Variants in LRATD2 observed in about 807,000 individuals in gnomAD.
LRATD2 encodes the protein LRAT domain containing 2.
In LRATD2, 10 loss-of-function variants were observed where a neutral mutation model predicts 12.0. That is an observed-to-expected ratio of 0.83 (90% confidence interval 0.51 to 1.41). The LOEUF is 1.41. Ranked by LOEUF, LRATD2 falls within the 40% of genes most tolerant of loss-of-function variation. The pLI is 0.00. For synonymous variants in LRATD2, 220 were observed against 205.8 expected, an observed-to-expected ratio of 1.07 and a Z score of -0.59; for missense variants, 455 against 446.1, an observed-to-expected ratio of 1.02 and a Z score of -0.18.
Position 126,556,971 on chromosome 8 carries a change from A to T in LRATD2, c.419T>A (p.Phe140Tyr), listed in dbSNP as rs1817420207. Reference sequence around the variant, plus strand: ...CAGCCGGTGCAGGTGCACCACCTGGAAGTTACCCACATATACGGCCCAGTG... The same window carrying T: ...CAGCCGGTGCAGGTGCACCACCTGGTAGTTACCCACATATACGGCCCAGTG... ...YPHWAVYVGN[F>Y]QVVHLHRLEV... Residue 140 changes from phenylalanine to tyrosine, a missense_variant, in exon 2 of 2, where the codon TTC becomes TAC. Transcript: ENST00000304916. This position sits in a 1 kb window ranked among gnomAD's most constrained non-coding sequence, Gnocchi z 5.6. 6.2e-7 allele frequency: 1 copy of T among 1,609,502 alleles called. No homozygotes were observed.
In LRATD2 at chr8:126,557,431, G is replaced by A. The variant is rs377754283; in HGVS notation, c.-42C>T. ...GTTCACACCGCCGCAAGGGGAGAAA[G>A]CGAAACCAACTCCAGGGTCATTTGC... On this transcript the variant is annotated 5_prime_UTR_variant, in exon 2 of 2. Coordinates refer to ENST00000304916, the MANE Select transcript of LRATD2 (RefSeq NM_174911.5). The surrounding 1 kb of genome is among the most constrained non-coding windows in gnomAD (Gnocchi z 5.3). 15 of 1,599,138 alleles carry A rather than the reference G, an allele frequency of 9.4e-6. No homozygotes were observed. The highest frequency in any genetic ancestry group is 1.2e-5 in the Non-Finnish European group (14 of 1,174,246).
chr8:126,556,398 G>A lies in LRATD2; in HGVS notation c.*59C>T. On this transcript the variant is annotated 3_prime_UTR_variant, in exon 2 of 2. Coordinates refer to ENST00000304916, the MANE Select transcript of LRATD2 (RefSeq NM_174911.5). The surrounding 1 kb of genome is among the most constrained non-coding windows in gnomAD (Gnocchi z 5.6). ...AAGAGGGAGGAAGAGAGGGAGAAAG[G>A]GAGCAGCGGCTGCTACTGCAAACAG... The A allele has an allele frequency of 3.4e-6, 5 of 1,472,078 alleles. No homozygotes were observed. Among genetic ancestry groups the A allele is most frequent in the Non-Finnish European group, 4.5e-6 (5 of 1,109,438 alleles). The allele number at this position is 1,472,078 out of a possible 1,614,324, so 91.2% of individuals were successfully genotyped here. A position where few individuals can be genotyped will look rare whatever the true frequency, so the allele number is the denominator to read the frequency against.
rs1189466403 is a variant in LRATD2 at position 126,556,957 on chromosome 8, G to C, written c.433C>G (p.Leu145Val). 1.9e-6 allele frequency: 3 copies of C among 1,609,916 alleles called. No individual in the cohort carries two copies. The highest frequency in any genetic ancestry group is 1.3e-5 in the African/African-American group (1 of 74,938). Residue 145 changes from leucine (L) to valine (V), a missense_variant, in exon 2 of 2, where the codon CTG becomes GTG. Transcript: ENST00000304916. The surrounding 1 kb of genome is among the most constrained non-coding windows in gnomAD (Gnocchi z 5.6). The stretch of plus-strand genomic sequence containing the variant: ...CTGTTAATCACCTCCAGCCGGTGCA[G>C]GTGCACCACCTGGAAGTTACCCACA... ...VYVGNFQVVH[L>V]HRLEVINSFL...
At position 126,556,970 on chromosome 8, in the gene LRATD2, G is replaced by T; in HGVS notation, c.420C>A (p.Phe140Leu). 2 of 1,609,518 alleles carry T rather than the reference G, an allele frequency of 1.2e-6. No individual in the cohort carries two copies. Among genetic ancestry groups the T allele is most frequent in the Non-Finnish European group, 8.5e-7 (1 of 1,180,000 alleles). ...YPHWAVYVGNFQVVHLHRLEV... is the reference protein window; with the variant it reads ...YPHWAVYVGNLQVVHLHRLEV... ...CCAGCCGGTGCAGGTGCACCACCTGGAAGTTACCCACATATACGGCCCAGT... is the reference window on the plus strand; with the variant it reads ...CCAGCCGGTGCAGGTGCACCACCTGTAAGTTACCCACATATACGGCCCAGT... Residue 140 changes from phenylalanine (F) to leucine (L), a missense_variant, in exon 2 of 2, where the codon TTC becomes TTA. Coordinates refer to ENST00000304916, the MANE Select transcript of LRATD2 (RefSeq NM_174911.5). This position sits in a 1 kb window ranked among gnomAD's most constrained non-coding sequence, Gnocchi z 5.6.
chr8:126,557,443 C>G lies in LRATD2; in HGVS notation c.-54G>C, dbSNP rs1817442602. On this transcript the variant is annotated 5_prime_UTR_variant, in exon 2 of 2. Coordinates refer to ENST00000304916, the MANE Select transcript of LRATD2 (RefSeq NM_174911.5). The surrounding 1 kb of genome is among the most constrained non-coding windows in gnomAD (Gnocchi z 5.3). ...GCAAGGGGAGAAAGCGAAACCAACTCCAGGGTCATTTGCACAGGTCCCCGG... is the reference window on the plus strand; with the variant it reads ...GCAAGGGGAGAAAGCGAAACCAACTGCAGGGTCATTTGCACAGGTCCCCGG... 6.3e-7 allele frequency: 1 copy of G among 1,583,810 alleles called. No homozygotes were observed. The highest frequency in any genetic ancestry group is 8.6e-7 in the Non-Finnish European group (1 of 1,164,780).
In LRATD2 at chr8:126,556,621, T is replaced by TG; in HGVS notation, c.768dup (p.Asn257GlnfsTer153). ...ACGGCCGCGCGCCCGATCTGGTCGT[T>TG]GCGTCGCTTCTCCATGATCAGGTCC... On this transcript the variant is annotated frameshift_variant, in exon 2 of 2. Transcript: ENST00000304916. LOFTEE classifies it low-confidence loss of function (END_TRUNC). The surrounding 1 kb of genome is among the most constrained non-coding windows in gnomAD (Gnocchi z 5.6). The TG allele has an allele frequency of 6.2e-7, 1 of 1,611,366 alleles. No homozygotes were observed. Among genetic ancestry groups the TG allele is most frequent in the South Asian group, 1.1e-5 (1 of 90,968 alleles).
chr8:126,552,479 G>A lies in LRATD2; in HGVS notation c.*3978C>T, dbSNP rs776460347. On this transcript the variant is annotated 3_prime_UTR_variant, in exon 2 of 2. Coordinates refer to ENST00000304916, the MANE Select transcript of LRATD2 (RefSeq NM_174911.5). ...AGATGGTTTATTGGAAACGCTCATAGCATCTTTTGAAAAGAACTTGACAGG... is the reference window on the plus strand; with the variant it reads ...AGATGGTTTATTGGAAACGCTCATAACATCTTTTGAAAAGAACTTGACAGG... 9.8e-5 allele frequency: 15 copies of A among 152,588 alleles called. No homozygotes were observed. Among genetic ancestry groups the A allele is most frequent in the Non-Finnish European group, 1.9e-4 (13 of 68,024 alleles). 9.5% of individuals were successfully genotyped at this position (152,588 alleles called of 1,614,324 possible). A position where few individuals can be genotyped will look rare whatever the true frequency, so the allele number is the denominator to read the frequency against.
rs981709388 is a variant in LRATD2 at position 126,555,485 on chromosome 8, T to TA, written c.*971dup. The stretch of plus-strand genomic sequence containing the variant: ...CCTTTTTGGCTGCTTCCACAATAGA[T>TA]ACTTTATGGAGTGGCACAGCCAACC... On this transcript the variant is annotated 3_prime_UTR_variant, in exon 2 of 2. Transcript: ENST00000304916. The TA allele has an allele frequency of 5.2e-5, 8 of 152,708 alleles. No individual in the cohort carries two copies. The highest frequency in any genetic ancestry group is 1.4e-4 in the African/African-American group (6 of 41,564). The allele number at this position is 152,708 out of a possible 1,614,324, so 9.5% of individuals were successfully genotyped here.
chr8:126,557,333 G>A lies in LRATD2; in HGVS notation c.57C>T (p.Ala19=), dbSNP rs1817438022. The part of the protein sequence containing the change: ...THLSYKEVPT[A]DPTGVDRDDG... ...CGTCCCGGTCCACGCCAGTCGGGTC[G>A]GCCGTGGGAACTTCCTTGTAACTTA... The change falls in exon 2 of 2, where the codon GCC becomes GCT. Residue 19 remains alanine, a synonymous_variant. Coordinates refer to ENST00000304916, the MANE Select transcript of LRATD2 (RefSeq NM_174911.5). This position sits in a 1 kb window ranked among gnomAD's most constrained non-coding sequence, Gnocchi z 5.3. The A allele has an allele frequency of 5.0e-6, 8 of 1,613,742 alleles. No homozygotes were observed. The highest frequency in any genetic ancestry group is 1.1e-5 in the South Asian group (1 of 91,036).
chr8:126,554,571 T>C lies in LRATD2; in HGVS notation c.*1886A>G, dbSNP rs780050667. The C allele has an allele frequency of 2.0e-5, 3 of 152,238 alleles. No homozygotes were observed. The highest frequency in any genetic ancestry group is 4.8e-5 in the African/African-American group (2 of 41,468). 9.4% of individuals were successfully genotyped at this position (152,238 alleles called of 1,614,324 possible). A position where few individuals can be genotyped will look rare whatever the true frequency, so the allele number is the denominator to read the frequency against. ...CAAAGTGGCAAGATCTGTTTGGTGA[T>C]CACTGTAAAAACAGGAAACATAGCT... is the stretch of plus-strand genomic sequence containing the variant. On this transcript the variant is annotated 3_prime_UTR_variant, in exon 2 of 2. Coordinates refer to ENST00000304916, the MANE Select transcript of LRATD2 (RefSeq NM_174911.5).
Position 126,556,787 on chromosome 8 carries a change from C to G in LRATD2, c.603G>C (p.Ser201=). Residue 201 remains serine (S), a synonymous_variant, in exon 2 of 2, where the codon TCG becomes TCC. Coordinates refer to ENST00000304916, the MANE Select transcript of LRATD2 (RefSeq NM_174911.5). This position sits in a 1 kb window ranked among gnomAD's most constrained non-coding sequence, Gnocchi z 5.6. ...AGCGGCACCAGGCGGCGAAACTCTC[C>G]GAGTTGCGCCAGCTCAGCTCGCGCT... The part of the protein sequence containing the change: ...AKERELSWRN[S]ESFAAWCRYG... The G allele has an allele frequency of 6.3e-7, 1 of 1,597,790 alleles. No homozygotes were observed. Among genetic ancestry groups the G allele is most frequent in the Non-Finnish European group, 8.5e-7 (1 of 1,174,608 alleles).
rs1193504430 is a variant in LRATD2 at position 126,553,353 on chromosome 8, A to C, written c.*3104T>G. On this transcript the variant is annotated 3_prime_UTR_variant, in exon 2 of 2. Coordinates refer to ENST00000304916, the MANE Select transcript of LRATD2 (RefSeq NM_174911.5). ...AATAAAATATTTGCTCAGGTAAGAA[A>C]ATAGAAATTTGTCTGCTTTCATTTA... is the stretch of plus-strand genomic sequence containing the variant. 6.5e-6 allele frequency: 1 copy of C among 152,682 alleles called. No homozygotes were observed. The highest frequency in any genetic ancestry group is 1.5e-5 in the Non-Finnish European group (1 of 68,052). The allele number at this position is 152,682 out of a possible 1,614,324, so 9.5% of individuals were successfully genotyped here.
rs1343398790 is a variant in LRATD2 at position 126,556,171 on chromosome 8, C to T, written c.*286G>A. On this transcript the variant is annotated 3_prime_UTR_variant, in exon 2 of 2. Transcript: ENST00000304916. The surrounding 1 kb of genome is among the most constrained non-coding windows in gnomAD (Gnocchi z 5.6). Reference sequence around the variant, plus strand: ...ACCCAGATCTACCAAGGTTTAAGTGCCAGGCAAGTCCACAGTTTGCTCCAC... The same window carrying T: ...ACCCAGATCTACCAAGGTTTAAGTGTCAGGCAAGTCCACAGTTTGCTCCAC... The T allele has an allele frequency of 4.4e-6, 2 of 456,080 alleles. No homozygotes were observed. The highest frequency in any genetic ancestry group is 3.8e-6 in the Non-Finnish European group (1 of 260,580). 28.3% of individuals were successfully genotyped at this position (456,080 alleles called of 1,614,324 possible).
chr8:126,557,372 C>A lies in LRATD2; in HGVS notation c.18G>T (p.Glu6Asp). The change falls in exon 2 of 2, where the codon GAG becomes GAT. Residue 6 changes from glutamate to aspartate, a missense_variant. By Grantham distance (45) the Glu-to-Asp change is conservative (BLOSUM62 2). Coordinates refer to ENST00000304916, the MANE Select transcript of LRATD2 (RefSeq NM_174911.5). This position sits in a 1 kb window ranked among gnomAD's most constrained non-coding sequence, Gnocchi z 5.3. ...CCTTGTAACTTAGGTGGGTCAATTT[C>A]TCCACCTGGTTGCCCATCACGCTGC... Reference protein sequence around the residue: MGNQVEKLTHLSYKEV... With the variant: MGNQVDKLTHLSYKEV... The A allele has an allele frequency of 6.2e-7, 1 of 1,613,416 alleles. No individual in the cohort carries two copies. The highest frequency in any genetic ancestry group is 8.5e-7 in the Non-Finnish European group (1 of 1,179,880).
Position 126,553,011 on chromosome 8 carries a change from T to C in LRATD2, c.*3446A>G, listed in dbSNP as rs1280392417. The C allele has an allele frequency of 6.6e-6, 1 of 152,630 alleles. No homozygotes were observed. The highest frequency in any genetic ancestry group is 1.5e-5 in the Non-Finnish European group (1 of 68,042). The allele number at this position is 152,630 out of a possible 1,614,324, so 9.5% of individuals were successfully genotyped here. On this transcript the variant is annotated 3_prime_UTR_variant, in exon 2 of 2. Transcript: ENST00000304916. ...TAGAAAACAAGTAGTCCTTAAATTG[T>C]CTTAGCTCTCCATAGCATACGTTAT...
Position 126,558,422 on chromosome 8 carries a change from G to C in LRATD2, c.-485C>G, listed in dbSNP as rs116652021. On this transcript the variant is annotated 5_prime_UTR_variant, in exon 1 of 2. In the 5' UTR this introduces an upstream ATG that the reference lacks. Transcript: ENST00000304916. ...CCGGAGCTGGAGGGACGGGATTGTA[G>C]ATCCGGCTCCGGGCTCCCGGGCGGG... The C allele has an allele frequency of 5.3e-5, 8 of 152,304 alleles. No individual in the cohort carries two copies. Among genetic ancestry groups the C allele is most frequent in the African/African-American group, 1.9e-4 (8 of 41,576 alleles). The allele number at this position is 152,304 out of a possible 1,614,324, so 9.4% of individuals were successfully genotyped here.
Position 126,557,534 on chromosome 8 carries a change from A to C in LRATD2, c.-96-49T>G, listed in dbSNP as rs1381468279. 18 of 888,136 alleles carry C rather than the reference A, an allele frequency of 2.0e-5. No homozygotes were observed. In the East Asian group the frequency reaches 4.1e-4, roughly 20 times the overall value. 55.0% of individuals were successfully genotyped at this position (888,136 alleles called of 1,614,324 possible). On this transcript the variant is annotated intron_variant, in intron 1 of 1. Coordinates refer to ENST00000304916, the MANE Select transcript of LRATD2 (RefSeq NM_174911.5). The surrounding 1 kb of genome is among the most constrained non-coding windows in gnomAD (Gnocchi z 5.3). The stretch of plus-strand genomic sequence containing the variant: ...AGCCATGCAGGAGCCCCTCCGTGAA[A>C]AGGGCGTTTTGTTCCGAAAAAGAAT...
In LRATD2 at chr8:126,556,393, G is replaced by A; in HGVS notation, c.*64C>T. On this transcript the variant is annotated 3_prime_UTR_variant, in exon 2 of 2. Coordinates refer to ENST00000304916, the MANE Select transcript of LRATD2 (RefSeq NM_174911.5). The surrounding 1 kb of genome is among the most constrained non-coding windows in gnomAD (Gnocchi z 5.6). Reference sequence around the variant, plus strand: ...GGCAAAAGAGGGAGGAAGAGAGGGAGAAAGGGAGCAGCGGCTGCTACTGCA... The same window carrying A: ...GGCAAAAGAGGGAGGAAGAGAGGGAAAAAGGGAGCAGCGGCTGCTACTGCA... 10 of 1,465,520 alleles carry A rather than the reference G, an allele frequency of 6.8e-6. No individual in the cohort carries two copies. Among genetic ancestry groups the A allele is most frequent in the Non-Finnish European group, 8.1e-6 (9 of 1,104,660 alleles). 90.8% of individuals were successfully genotyped at this position (1,465,520 alleles called of 1,614,324 possible).
Position 126,552,452 on chromosome 8 carries a change from A to G in LRATD2, c.*4005T>C, listed in dbSNP as rs1586528618. ...GTGGAAAAAAATCCAGTGAACTCTA[A>G]TAGATGGTTTATTGGAAACGCTCAT... On this transcript the variant is annotated 3_prime_UTR_variant, in exon 2 of 2. Transcript: ENST00000304916. 1 of 152,664 alleles carries G rather than the reference A, an allele frequency of 6.6e-6. No homozygotes were observed. Among genetic ancestry groups the G allele is most frequent in the Non-Finnish European group, 1.5e-5 (1 of 68,040 alleles). The allele number at this position is 152,664 out of a possible 1,614,324, so 9.5% of individuals were successfully genotyped here.
Sources: allele counts gnomAD v4.1 joint callset, GRCh38; gene constraint gnomAD v4.1.1; non-coding constraint Gnocchi (gnomAD v3.1); transcripts MANE v1.5; gene names NCBI Gene and HGNC (gene_info 2026-07-23, HGNC 2026-07-21).